Variants in SRGAP2 observed in about 807,000 individuals in gnomAD.
SRGAP2 encodes SLIT-ROBO Rho GTPase activating protein 2.
A neutral mutation model predicts 57.2 loss-of-function variants in SRGAP2; 15 were observed. The ratio of observed to expected loss-of-function variants is 0.26; its 90% CI spans 0.18 to 0.40. The LOEUF is 0.40. Ranked by LOEUF, SRGAP2 falls within the 10% of genes least tolerant of loss-of-function variation. SRGAP2 has a pLI of 1.00. For missense variants in SRGAP2, 520 were observed against 669.6 expected (o/e 0.78, Z 2.47); for synonymous variants, 249 against 248.0 (o/e 1.00, Z -0.04).
chr1:206,378,657 C>T (rs1175778943), intron 4 of SRGAP2, among the ~76,000 whole-genome samples: 2 of 152,026 alleles, frequency 1.3e-5, no homozygotes, highest in Non-Finnish European at 2.9e-5. Flanking sequence ...TGTAAAAACG[C>T]ACCAATCAGC....
chr1:206,415,252 A>T (rs1445353570), intron 10 of SRGAP2, among the ~76,000 whole-genome samples: 3 of 152,190 alleles, frequency 2.0e-5, no homozygotes, highest in African/African-American at 7.2e-5. Flanking sequence ...AGCAGGTGGG[A>T]TCACATTTCC....
chr1:206,377,478 C>A (rs1553345293), intron 4 of SRGAP2, among the ~76,000 whole-genome samples: 1 of 131,338 alleles, frequency 7.6e-6, no homozygotes, highest in Non-Finnish European at 1.6e-5. Flanking sequence ...TTTTTGAAAT[C>A]AGATTTTTTT....
intron 2 of SRGAP2, among the ~76,000 whole-genome samples, chr1:206,255,183 T>A (rs1669108764): frequency 7.0e-6 from 1 of 142,816 alleles, no homozygotes; most frequent in Non-Finnish European, 1.5e-5. Flanking sequence ...CTCTGCTGCT[T>A]CCTGGGTTCT....
intron 2 of SRGAP2, among the ~76,000 whole-genome samples, chr1:206,210,198 A>G (rs1391332555): frequency 2.7e-5 from 4 of 148,476 alleles, no homozygotes; most frequent in South Asian, 4.2e-4. Flanking sequence ...GTGAATACAC[A>G]TGACTGTATA....
chr1:206,310,257 G>C (rs1243369618), intron 3 of SRGAP2, among the ~76,000 whole-genome samples: 2 of 150,944 alleles, frequency 1.3e-5, no homozygotes, highest in Non-Finnish European at 2.9e-5. Flanking sequence ...ATTTAATACA[G>C]GCAAGGTGGT....
intron 14 of SRGAP2, among the ~76,000 whole-genome samples, chr1:206,433,648 AAGAT>A (rs1661469692): frequency 6.6e-6 from 1 of 151,980 alleles, no homozygotes; most frequent in African/African-American, 2.4e-5. Flanking sequence ...AAAAAAAAAA[AAGAT>A]AAATAAATAA....
rs116102505 is a variant in SRGAP2, at chr1:206,463,597, C to T, written c.*2177C>T. Reference sequence around the variant, plus strand: ...TGCTCCTGCCTTATTTCTCTTTCAACCCTGTACATGACTCGTGTTCACCAT... The same window carrying T: ...TGCTCCTGCCTTATTTCTCTTTCAATCCTGTACATGACTCGTGTTCACCAT... On this transcript the variant is annotated 3_prime_UTR_variant, in exon 23 of 23. Coordinates refer to ENST00000573034, the MANE Select transcript of SRGAP2 (RefSeq NM_015326.5). The T allele has an allele frequency of 2.6e-5, 4 of 152,728 alleles. No individual in the cohort carries two copies. The highest frequency in any genetic ancestry group is 9.6e-5 in the African/African-American group (4 of 41,454). The allele number at this position is 152,728 out of a possible 1,614,324, so 9.5% of individuals were successfully genotyped here. A position where few individuals can be genotyped will look rare whatever the true frequency, so the allele number is the denominator to read the frequency against.
At chr1:206,398,682 G>A (rs1269007318) in intron 7 of SRGAP2, among the ~76,000 whole-genome samples, 1 of 151,948 alleles carries the variant, frequency 6.6e-6, no homozygotes, top group Non-Finnish European at 1.5e-5. Flanking sequence ...GCTGAGGGAT[G>A]TAAAGAAGAG....
chr1:206,434,849 G>A (rs1661586097), intron 14 of SRGAP2, among the ~76,000 whole-genome samples: 1 of 152,226 alleles, frequency 6.6e-6, no homozygotes, highest in Non-Finnish European at 1.5e-5. Context: ...AAAGTATCAA[G>A]ATGATGACGC....
In SRGAP2 at chr1:206,450,328, A is replaced by G. The variant is rs1339058952; in HGVS notation, c.2100-58A>G. 40 of 769,022 alleles carry G rather than the reference A, an allele frequency of 5.2e-5. No homozygotes were observed. In the Admixed American group the frequency reaches 7.0e-4, roughly 13 times the overall value. 47.6% of individuals were successfully genotyped at this position (769,022 alleles called of 1,614,324 possible). A position where few individuals can be genotyped will look rare whatever the true frequency, so the allele number is the denominator to read the frequency against. ...GCGCCAGGGAGGCTGTATGAAGGGG[A>G]AGACAAGAATTTTATGAGCACATGT... is the stretch of plus-strand genomic sequence containing the variant. On this transcript the variant is annotated intron_variant, in intron 18 of 22. Transcript: ENST00000573034.
chr1:206,273,850 C>G (rs1161434894), intron 2 of SRGAP2, among the ~76,000 whole-genome samples: 1 of 150,914 alleles, frequency 6.6e-6, no homozygotes, highest in African/African-American at 2.5e-5. Context: ...ATAAGTGCTT[C>G]TACAACGGGA....
Position 206,450,237 on chromosome 1 carries a change from A to G in SRGAP2, c.2100-149A>G. On this transcript the variant is annotated intron_variant, in intron 18 of 22. Transcript: ENST00000573034. The stretch of plus-strand genomic sequence containing the variant: ...GAAAAACTCTAGAGCTTTGTATTTC[A>G]TTATAAGCATTTGTCTATTGTGTGC... 4 of 583,716 alleles carry G rather than the reference A, an allele frequency of 6.9e-6. No individual in the cohort carries two copies. The South Asian group carries it at 8.4e-5, about 12-fold the overall frequency. 36.2% of individuals were successfully genotyped at this position (583,716 alleles called of 1,614,324 possible). A position where few individuals can be genotyped will look rare whatever the true frequency, so the allele number is the denominator to read the frequency against.
rs1422331309 is a variant in SRGAP2 at position 206,218,419 on chromosome 1, C to T, written c.67+12382C>T. Reference sequence around the variant, plus strand: ...TATTCTCTGAATGACATTCTTTCCACCCCCAGAACTTGCCATGCCTGCATG... The same window carrying T: ...TATTCTCTGAATGACATTCTTTCCATCCCCAGAACTTGCCATGCCTGCATG... On this transcript the variant is annotated intron_variant, in intron 2 of 22. Coordinates refer to ENST00000573034, the MANE Select transcript of SRGAP2 (RefSeq NM_015326.5). 4.4e-3 allele frequency among the ~76,000 whole-genome samples: 639 copies of T among 143,668 alleles called. 1 individual carries two copies. Among genetic ancestry groups the T allele is most frequent in the African/African-American group, 0.016 (592 of 37,434 alleles). 94.3% of individuals were successfully genotyped at this position (143,668 alleles called of 152,430 possible). A position where few individuals can be genotyped will look rare whatever the true frequency, so the allele number is the denominator to read the frequency against.
At chr1:206,418,012 T>C (rs1659895136) in intron 11 of SRGAP2, among the ~76,000 whole-genome samples, 2 of 151,642 alleles carry the variant, frequency 1.3e-5, no homozygotes, top group South Asian at 2.1e-4. Context: ...CTCACACATT[T>C]ATGCACCAAA....
At chr1:206,428,553 G>C (rs1327158929) in intron 13 of SRGAP2, among the ~76,000 whole-genome samples, 1 of 152,180 alleles carries the variant, frequency 6.6e-6, no homozygotes, top group Admixed American at 6.5e-5. Flanking sequence ...GTGGCAAAGT[G>C]TTAGGTCTCC....
intron 5 of SRGAP2, among the ~76,000 whole-genome samples, chr1:206,389,059 C>A (rs533531628): frequency 2.7e-4 from 41 of 152,224 alleles, no homozygotes; most frequent in African/African-American, 9.9e-4. Context: ...CTCAGCTGAA[C>A]CTTGTATCCC....
chr1:206,273,191 CA>C (rs1670227637), intron 2 of SRGAP2, among the ~76,000 whole-genome samples: 1 of 152,070 alleles, frequency 6.6e-6, no homozygotes, highest in Non-Finnish European at 1.5e-5. Context: ...TACAGAAATA[CA>C]GCAGTCAGCT....
chr1:206,210,401 G>GTTT (rs1666240083), intron 2 of SRGAP2, among the ~76,000 whole-genome samples: 2 of 60,320 alleles, frequency 3.3e-5, no homozygotes, highest in African/African-American at 7.8e-5. Flanking sequence ...TAGGGGTCTT[G>GTTT]TCTTTTTTTT....
chr1:206,386,213 T>TA (rs1281907641), intron 5 of SRGAP2, among the ~76,000 whole-genome samples: 1 of 152,130 alleles, frequency 6.6e-6, no homozygotes, highest in African/African-American at 2.4e-5. Flanking sequence ...AACAAAGAAT[T>TA]ATCTGACCCA....
Sources: allele counts gnomAD v4.1 joint callset (sites outside exome capture counted in the v4.1 genomes callset), GRCh38; gene constraint gnomAD v4.1.1; transcripts MANE v1.5; gene names NCBI Gene and HGNC (gene_info 2026-07-23, HGNC 2026-07-21).